Variants in CLGN observed in about 807,000 individuals in gnomAD.
The protein encoded by CLGN is calmegin, also known as testis tissue sperm-binding protein Li 79P.
Under a neutral mutation model 79.1 loss-of-function variants are expected in CLGN, and 62 were observed. That is an observed-to-expected ratio of 0.78 (90% confidence interval 0.64 to 0.97). The LOEUF is 0.97. Among genes scored for constraint, CLGN ranks in the 50% least tolerant of loss-of-function variants. The pLI is 0.00. For missense variants in CLGN, 647 were observed against 715.5 expected (o/e 0.90, Z 1.09); for synonymous variants, 225 against 224.7 (o/e 1.00, Z -0.01).
chr4:140,413,179 C>T, intron 1 of CLGN, 92 bp from the exon 2 acceptor site: 2 of 909,116 alleles, frequency 2.2e-6, no homozygotes, highest in Non-Finnish European at 3.4e-6. Flanking sequence ...TCCATAATAG[C>T]TCCTTTATTC....
At chr4:140,396,420 CT>C (rs538942053) in intron 8 of CLGN, among the ~76,000 whole-genome samples, 1 of 151,954 alleles carries the variant, frequency 6.6e-6, no homozygotes, top group East Asian at 1.9e-4. Context: ...CGTATACATT[CT>C]TTTTTTTAAT....
chr4:140,418,464 G>T lies in CLGN; in HGVS notation c.-9-5377C>A, dbSNP rs1434666679. Among the ~76,000 whole-genome samples the T allele has an allele frequency of 4.6e-4, 67 of 146,888 alleles. No individual in the cohort carries two copies. In the Middle Eastern group the frequency reaches 0.011, roughly 23 times the overall value. On this transcript the variant is annotated intron_variant, in intron 1 of 14. Coordinates refer to ENST00000325617, the MANE Select transcript of CLGN (RefSeq NM_004362.3). ...TCACAACCTACTCATCTGACAAAGG[G>T]CTAATATCCAGAATCTACAATGAAC...
At chr4:140,396,410 C>T (rs78315365) in intron 8 of CLGN, among the ~76,000 whole-genome samples, 40 of 152,154 alleles carry the variant, frequency 2.6e-4, no homozygotes, top group African/African-American at 6.3e-4. Context: ...CATGCACACA[C>T]GTATACATTC....
rs768944085 is a variant in CLGN at position 140,393,822 on chromosome 4, A to G, written c.1365+4T>C. 76 of 1,612,832 alleles carry G rather than the reference A, an allele frequency of 4.7e-5. No homozygotes were observed. The Admixed American group carries it at 1.2e-3, about 25-fold the overall frequency. On this transcript the variant is annotated splice_donor_region_variant and intron_variant, in intron 11 of 14. Coordinates refer to ENST00000325617, the MANE Select transcript of CLGN (RefSeq NM_004362.3). ...ATCACTACTGCTATTGGTCAACACC[A>G]TACCTTATTAGCATTTGCTATCATT...
intron 1 of CLGN, among the ~76,000 whole-genome samples, chr4:140,425,622 CTTTTTTT>C (rs60198755): frequency 0.027 from 2,625 of 97,112 alleles, 35 homozygotes; most frequent in Non-Finnish European, 0.035. Context: ...TTTGTAATTC[CTTTTTTT>C]TTTTTTTTTT....
intron 5 of CLGN, among the ~76,000 whole-genome samples, chr4:140,404,007 C>A (rs1729044916): frequency 6.6e-6 from 1 of 152,148 alleles, no homozygotes; most frequent in African/African-American, 2.4e-5. Context: ...AGTAGTAATG[C>A]TGAAAACAGG....
intron 8 of CLGN, among the ~76,000 whole-genome samples, chr4:140,397,693 C>T (rs944156546): frequency 6.6e-6 from 1 of 152,004 alleles, no homozygotes; most frequent in South Asian, 2.1e-4. Flanking sequence ...ATCACGAGAT[C>T]GGGAGTTCGA....
At chr4:140,422,176 C>T (rs1257626906) in intron 1 of CLGN, among the ~76,000 whole-genome samples, 1 of 152,174 alleles carries the variant, frequency 6.6e-6, no homozygotes, top group Non-Finnish European at 1.5e-5. Flanking sequence ...GATTTGATTA[C>T]TATAGCTTTG....
intron 1 of CLGN, among the ~76,000 whole-genome samples, chr4:140,425,775 C>G (rs56781632): frequency 0.087 from 13,139 of 151,298 alleles, 890 homozygotes; most frequent in African/African-American, 0.19. Flanking sequence ...ATTATAGGCG[C>G]GCGCCACTAT....
chr4:140,414,784 T>C lies in CLGN; in HGVS notation c.-9-1697A>G, dbSNP rs927897741. On this transcript the variant is annotated intron_variant, in intron 1 of 14. Transcript: ENST00000325617. ...AAGTTGGAAAACACTCTGCAGGATA[T>C]TACCCAGGAGAACTTCCCCAATCTA... 2.0e-5 allele frequency among the ~76,000 whole-genome samples: 3 copies of C among 149,314 alleles called. 1 individual carries two copies. Among genetic ancestry groups the C allele is most frequent in the African/African-American group, 7.6e-5 (3 of 39,666 alleles).
At chr4:140,426,019 A>G (rs555023225) in intron 1 of CLGN, among the ~76,000 whole-genome samples, 76 of 152,132 alleles carry the variant, frequency 5.0e-4, no homozygotes, top group Non-Finnish European at 5.6e-4. Flanking sequence ...TTCAGTTTTA[A>G]TGGCTGACTG....
chr4:140,411,843 A>AG (rs1729218345), intron 2 of CLGN, among the ~76,000 whole-genome samples: 1 of 152,210 alleles, frequency 6.6e-6, no homozygotes, highest in African/African-American at 2.4e-5. Flanking sequence ...TCCTTCTGAT[A>AG]GGCCACCCCT....
chr4:140,390,667 T>C lies in CLGN; in HGVS notation c.1713A>G (p.Glu571=). The C allele has an allele frequency of 6.2e-7, 1 of 1,605,738 alleles. No homozygotes were observed. Among genetic ancestry groups the C allele is most frequent in the Non-Finnish European group, 8.5e-7 (1 of 1,175,152 alleles). The change falls in exon 14 of 15, where the codon GAA becomes GAG. Residue 571 remains glutamate (E), a synonymous_variant. Coordinates refer to ENST00000325617, the MANE Select transcript of CLGN (RefSeq NM_004362.3). ...CAGACTTATTTGATTGATTACTTTC[T>C]TCTTGCCCTTCTATGATTTCAATTT... ...EEEIEIIEGQ[E]ESNQSNKSGS...
intron 1 of CLGN, among the ~76,000 whole-genome samples, chr4:140,418,166 T>C (rs966190901): frequency 2.0e-5 from 3 of 152,106 alleles, no homozygotes; most frequent in African/African-American, 4.8e-5. Flanking sequence ...AAGCTGAAAC[T>C]GGATCCCTTC....
chr4:140,417,777 C>T (rs1230626082), intron 1 of CLGN, among the ~76,000 whole-genome samples: 1 of 149,920 alleles, frequency 6.7e-6, no homozygotes, highest in African/African-American at 2.5e-5. Flanking sequence ...CCATACTGCC[C>T]AAGGTAATTT....
intron 10 of CLGN, among the ~76,000 whole-genome samples, chr4:140,395,553 T>C (rs1339782213): frequency 2.0e-5 from 3 of 152,220 alleles, no homozygotes; most frequent in Non-Finnish European, 4.4e-5. Context: ...TCACTTCTTA[T>C]ATTTACTTCT....
At chr4:140,397,628 T>C (rs766100838) in intron 8 of CLGN, among the ~76,000 whole-genome samples, 1 of 152,128 alleles carries the variant, frequency 6.6e-6, no homozygotes, top group African/African-American at 2.4e-5. Context: ...ACACTTAGGC[T>C]GGCGTGGTGG....
intron 10 of CLGN, among the ~76,000 whole-genome samples, chr4:140,394,961 C>A (rs549558622): frequency 6.6e-6 from 1 of 152,100 alleles, no homozygotes; most frequent in African/African-American, 2.4e-5. Flanking sequence ...GTGGGCGGAT[C>A]ACGGTCAGGA....
chr4:140,408,860 C>CATATATATATAT (rs112593782), intron 4 of CLGN, among the ~76,000 whole-genome samples: 19 of 138,424 alleles, frequency 1.4e-4, no homozygotes, highest in East Asian at 1.1e-3. Context: ...AGTTGATAAG[C>CATATATATATAT]ATATATATAT....
Sources: allele counts gnomAD v4.1 joint callset (sites outside exome capture counted in the v4.1 genomes callset), GRCh38; gene constraint gnomAD v4.1.1; transcripts MANE v1.5; gene names NCBI Gene and HGNC (gene_info 2026-07-23, HGNC 2026-07-21).